Variants in VCAN observed in about 807,000 individuals in gnomAD.
VCAN encodes versican core protein.
In VCAN, 44 loss-of-function variants were observed where a neutral mutation model predicts 245.5. That is an observed-to-expected ratio of 0.18 (90% CI 0.14 to 0.23). The LOEUF (loss-of-function observed/expected upper bound fraction) is 0.23, where lower values mean the gene tolerates loss of function less well. Ranked by LOEUF, VCAN falls within the 10% of genes least tolerant of loss-of-function variation. The probability of loss-of-function intolerance (pLI) is 1.00; values close to 1 mark genes in which losing one functional copy is unlikely to be tolerated. For synonymous variants in VCAN, 1,413 were observed against 1,437.0 expected (o/e 0.98, Z 0.38); for missense variants, 3,793 against 4,057.9 (o/e 0.93, Z 1.77).
In VCAN at chr5:83,580,891, C is replaced by T. The variant is rs776876211; in HGVS notation, c.*457C>T. 2.8e-5 allele frequency: 6 copies of T among 214,310 alleles called. No homozygotes were observed. The South Asian group carries it at 4.3e-4, about 15-fold the overall frequency. The allele number at this position is 214,310 out of a possible 1,614,324, so 13.3% of individuals were successfully genotyped here. On this transcript the variant is annotated 3_prime_UTR_variant, in exon 15 of 15. Coordinates refer to ENST00000265077, the MANE Select transcript of VCAN (RefSeq NM_004385.5). ...AGGTCTTTAATCATTGGTTCGGCTG[C>T]TTTTATGTAGTTTAGGCTGGAAATG...
chr5:83,496,109 G>A (rs1745152139), intron 5 of VCAN, among the ~76,000 whole-genome samples: 1 of 152,166 alleles, frequency 6.6e-6, no homozygotes, highest in Non-Finnish European at 1.5e-5. Flanking sequence ...AGTCCTTCCA[G>A]GGATTTCCTA....
At chr5:83,491,790 C>T (rs1744990149) in intron 3 of VCAN, among the ~76,000 whole-genome samples, 1 of 152,174 alleles carries the variant, frequency 6.6e-6, no homozygotes, top group African/African-American at 2.4e-5. Flanking sequence ...CTGCCTTGGT[C>T]GAGGAGGCCT....
intron 13 of VCAN, among the ~76,000 whole-genome samples, chr5:83,578,618 A>C (rs1190942776): frequency 6.6e-6 from 1 of 152,176 alleles, no homozygotes; most frequent in East Asian, 1.9e-4. Flanking sequence ...ATATGTAATA[A>C]ATTTAATAAT....
intron 13 of VCAN, among the ~76,000 whole-genome samples, chr5:83,572,898 T>TTTA (rs869218049): frequency 2.4e-5 from 3 of 124,726 alleles, no homozygotes; most frequent in Non-Finnish European, 3.5e-5. Context: ...TATTTATTTA[T>TTTA]TTATTATTAT....
At chr5:83,517,515 T>C (rs1164588816) in intron 6 of VCAN, among the ~76,000 whole-genome samples, 2 of 152,214 alleles carry the variant, frequency 1.3e-5, no homozygotes, top group Non-Finnish European at 2.9e-5. Flanking sequence ...CCCCAAAGAA[T>C]GCAGTTATAA....
At chr5:83,547,680 T>C (rs1373572183) in intron 9 of VCAN, among the ~76,000 whole-genome samples, 1 of 152,128 alleles carries the variant, frequency 6.6e-6, no homozygotes, top group Non-Finnish European at 1.5e-5. Flanking sequence ...ATGGAGACAA[T>C]GGCCCTACTC....
chr5:83,542,006 G>A lies in VCAN; in HGVS notation c.9003G>A (p.Arg3001=). 1 of 1,610,786 alleles carries A rather than the reference G, an allele frequency of 6.2e-7. No individual in the cohort carries two copies. ...GGCTAAGTCCACAGACTTCTGAGAG[G>A]CCCACGCTTTCTTCTTCTCCAGAAA... ...VPWLSPQTSE[R]PTLSSSPEIN... Residue 3001 remains arginine, a synonymous_variant, in exon 8 of 15, where the codon AGG becomes AGA. Transcript: ENST00000265077.
chr5:83,550,455 G>A (rs1747417755), intron 10 of VCAN, among the ~76,000 whole-genome samples: 1 of 152,100 alleles, frequency 6.6e-6, no homozygotes, highest in Non-Finnish European at 1.5e-5. Context: ...AATAAAAAGA[G>A]TTTCACATAA....
chr5:83,548,873 C>T (rs1747343251), intron 10 of VCAN, among the ~76,000 whole-genome samples: 1 of 152,216 alleles, frequency 6.6e-6, no homozygotes. Flanking sequence ...GCACATTGGT[C>T]TGGTCCCACA....
chr5:83,564,529 A>G (rs13176921), intron 12 of VCAN, among the ~76,000 whole-genome samples: 40,923 of 152,102 alleles, frequency 0.27, 6,308 homozygotes, highest in South Asian at 0.44. Context: ...GTAGTCAAAT[A>G]CTTAGTAAAA....
rs1193411264 is a variant in VCAN, at chr5:83,537,680, A to G, written c.4677A>G (p.Lys1559=). The change falls in exon 8 of 15, where the codon AAA becomes AAG. Residue 1559 remains lysine (K), a synonymous_variant. Coordinates refer to ENST00000265077, the MANE Select transcript of VCAN (RefSeq NM_004385.5). ...TTGCCATTGACCAAGAATCTCAGAA[A>G]ATAGCCTTTGCAAGGGCTACAGAAG... ...GEIAIDQESQ[K]IAFARATEVT... 2 of 1,613,926 alleles carry G rather than the reference A, an allele frequency of 1.2e-6. No homozygotes were observed. Among genetic ancestry groups the G allele is most frequent in the Admixed American group, 1.7e-5 (1 of 59,948 alleles).
In VCAN at chr5:83,520,852, A is replaced by T. The variant is rs766157743; in HGVS notation, c.2546A>T (p.Asp849Val). 4 of 1,614,044 alleles carry T rather than the reference A, an allele frequency of 2.5e-6. No homozygotes were observed. In the African/African-American group the frequency reaches 5.3e-5, roughly 22 times the overall value. The change falls in exon 7 of 15, where the codon GAT becomes GTT. Residue 849 changes from aspartate to valine, a missense_variant. By Grantham distance (152) the Asp-to-Val change is radical. Coordinates refer to ENST00000265077, the MANE Select transcript of VCAN (RefSeq NM_004385.5). ...KDKDIPSFTE[D>V]GADEFTLIPD... ...AAAGACATCCCAAGTTTCACTGAAG[A>T]TGGAGCAGATGAATTTACTCTTATT...
chr5:83,497,814 CTATT>C (rs1228820078), intron 5 of VCAN, among the ~76,000 whole-genome samples: 1 of 152,096 alleles, frequency 6.6e-6, no homozygotes, highest in Non-Finnish European at 1.5e-5. Flanking sequence ...AATAGACTGA[CTATT>C]TATTTGGTTT....
chr5:83,518,424 C>A (rs1221483792), intron 6 of VCAN, among the ~76,000 whole-genome samples: 1 of 152,084 alleles, frequency 6.6e-6, no homozygotes, highest in Non-Finnish European at 1.5e-5. Flanking sequence ...CTTTATATTG[C>A]CTGAGCCTGT....
At chr5:83,498,378 A>G (rs1179480096) in intron 5 of VCAN, among the ~76,000 whole-genome samples, 2 of 152,242 alleles carry the variant, frequency 1.3e-5, no homozygotes, top group Non-Finnish European at 2.9e-5. Flanking sequence ...TGTCCTTAGC[A>G]TATAGTAGGT....
chr5:83,554,760 A>ACAT (rs2112472337), intron 11 of VCAN, among the ~76,000 whole-genome samples, 196 bp from the exon 12 acceptor site: 1 of 152,334 alleles, frequency 6.6e-6, no homozygotes, highest in Admixed American at 6.5e-5. Context: ...CAGGGTTTGC[A>ACAT]CATTAACCTT....
intron 3 of VCAN, among the ~76,000 whole-genome samples, 190 bp from the exon 4 acceptor site, chr5:83,493,356 T>A (rs1276120521): frequency 2.0e-5 from 3 of 152,254 alleles, no homozygotes; most frequent in Non-Finnish European, 4.4e-5. Context: ...GATGTCTAGA[T>A]GAATGGCATT....
In VCAN at chr5:83,521,781, A is replaced by G. The variant is rs1431377518; in HGVS notation, c.3475A>G (p.Thr1159Ala). Residue 1159 changes from threonine to alanine, a missense_variant, in exon 7 of 15, where the codon ACC becomes GCC. By Grantham distance (58) the Thr-to-Ala change is moderately conservative. Transcript: ENST00000265077. ...GFTSSLSPFS[T>A]HITQLMEETT... ...TACATCATCTTTGAGTCCTTTTAGT[A>G]CCCACATTACCCAGCTTATGGAAGA... 6.2e-7 allele frequency: 1 copy of G among 1,614,162 alleles called. No individual in the cohort carries two copies. Among genetic ancestry groups the G allele is most frequent in the Non-Finnish European group, 8.5e-7 (1 of 1,180,028 alleles).
At chr5:83,488,943 G>C (rs542697070) in intron 2 of VCAN, among the ~76,000 whole-genome samples, 43 of 152,046 alleles carry the variant, frequency 2.8e-4, no homozygotes, top group African/African-American at 9.6e-4. Context: ...TTTCTTAAAG[G>C]ATATATCTCC....
Sources: gnomAD v4.1 joint callset for allele counts (sites outside exome capture counted in the v4.1 genomes callset) on GRCh38, gnomAD v4.1.1 for gene constraint, MANE v1.5 for transcripts, NCBI Gene and HGNC (gene_info 2026-07-23, HGNC 2026-07-21) for gene names.